The following FGF7 variants were observed in gnomAD, a reference collection of about 807,000 sequenced individuals.
FGF7 encodes FGF-7.
FGF7 carries 6 observed loss-of-function variants against 20.5 expected under a neutral mutation model. The observed-to-expected ratio is 0.29, with a 90% CI of 0.16 to 0.58. The LOEUF is 0.58. Ranked by LOEUF, FGF7 falls within the 20% of genes least tolerant of loss-of-function variation. FGF7 has a pLI of 0.90. For synonymous variants in FGF7, 64 were observed against 74.7 expected, an observed-to-expected ratio of 0.86 and a Z score of 0.74; for missense variants, 144 against 228.8, an observed-to-expected ratio of 0.63 and a Z score of 2.39.
chr15:49,475,191 T>C (rs2151981535), intron 2 of FGF7, among the ~76,000 whole-genome samples: 1 of 151,786 alleles, frequency 6.6e-6, no homozygotes, highest in South Asian at 2.1e-4. Context: ...GAACAAGGAG[T>C]GTGAAGTGAG....
intron 2 of FGF7, among the ~76,000 whole-genome samples, chr15:49,477,390 G>C (rs2055442765): frequency 2.0e-5 from 3 of 152,096 alleles, no homozygotes; most frequent in Admixed American, 2.0e-4. Context: ...TGTCTCTAAA[G>C]TTTTGCCTTT....
At chr15:49,456,037 G>A (rs1247733184) in intron 2 of FGF7, among the ~76,000 whole-genome samples, 2 of 152,104 alleles carry the variant, frequency 1.3e-5, no homozygotes, top group African/African-American at 2.4e-5. Flanking sequence ...ATGCTTTAAT[G>A]TGACCGCATA....
chr15:49,469,435 A>G (rs2151958274), intron 2 of FGF7, among the ~76,000 whole-genome samples: 1 of 152,266 alleles, frequency 6.6e-6, no homozygotes, highest in East Asian at 1.9e-4. Flanking sequence ...TATAAGCACT[A>G]TCTTTACTTC....
chr15:49,429,384 C>T (rs2050397378), intron 2 of FGF7, among the ~76,000 whole-genome samples: 1 of 151,918 alleles, frequency 6.6e-6, no homozygotes, highest in Non-Finnish European at 1.5e-5. Context: ...TTCTTTTTGG[C>T]TATCACATGT....
Position 49,456,527 on chromosome 15 carries a change from A to G in FGF7, c.287-26624A>G, listed in dbSNP as rs1044682617. Among the ~76,000 whole-genome samples the G allele has an allele frequency of 2.4e-4, 37 of 152,248 alleles. 1 individual carries two copies. The Middle Eastern group carries it at 0.017, about 70-fold the overall frequency. On this transcript the variant is annotated intron_variant, in intron 2 of 3. Coordinates refer to ENST00000267843, the MANE Select transcript of FGF7 (RefSeq NM_002009.4). ...TTCAGCATTTCTACTATATGCAAGC[A>G]TTCAACTGGATATATATAAAAATAA... is the stretch of plus-strand genomic sequence containing the variant.
At chr15:49,465,345 C>T (rs555709096) in intron 2 of FGF7, among the ~76,000 whole-genome samples, 1 of 150,320 alleles carries the variant, frequency 6.7e-6, no homozygotes, top group Admixed American at 6.7e-5. Context: ...ACCATGTTGG[C>T]CAGGCTGCTC....
intron 2 of FGF7, among the ~76,000 whole-genome samples, chr15:49,441,833 G>A (rs956515819): frequency 1.3e-5 from 2 of 151,264 alleles, no homozygotes; most frequent in Non-Finnish European, 3.0e-5. Flanking sequence ...TCAGTCACAT[G>A]ACTAATTGCA....
chr15:49,475,152 T>C (rs2151981400), intron 2 of FGF7, among the ~76,000 whole-genome samples: 1 of 152,292 alleles, frequency 6.6e-6, no homozygotes, highest in South Asian at 2.1e-4. Flanking sequence ...CGGTAGTGTA[T>C]GATTAGTGAA....
At chr15:49,444,608 A>G (rs1265795861) in intron 2 of FGF7, among the ~76,000 whole-genome samples, 3 of 151,670 alleles carry the variant, frequency 2.0e-5, no homozygotes, top group African/African-American at 7.3e-5. Context: ...CTTGGTATCT[A>G]ATGAAGCCTA....
At position 49,424,542 on chromosome 15, in the gene FGF7, G is replaced by C; in HGVS notation, c.245G>C (p.Arg82Thr). 1 of 1,606,172 alleles carries C rather than the reference G, an allele frequency of 6.2e-7. No individual in the cohort carries two copies. The highest frequency in any genetic ancestry group is 8.5e-7 in the Non-Finnish European group (1 of 1,174,928). Residue 82 changes from arginine to threonine, a missense_variant, in exon 2 of 4, where the codon AGA (arginine) becomes ACA (threonine). Transcript: ENST00000267843. Reference sequence around the variant, plus strand: ...CAGTGGTACCTGAGGATCGATAAAAGAGGCAAAGTAAAAGGGACCCAAGAG... The same window carrying C: ...CAGTGGTACCTGAGGATCGATAAAACAGGCAAAGTAAAAGGGACCCAAGAG... ...RTQWYLRIDK[R>T]GKVKGTQEMK... is the part of the protein sequence containing the mutation.
chr15:49,474,718 A>G (rs1025258793), intron 2 of FGF7, among the ~76,000 whole-genome samples: 2 of 152,158 alleles, frequency 1.3e-5, no homozygotes, highest in African/African-American at 4.8e-5. Flanking sequence ...GCTGCGGGTG[A>G]GCAAGCATTC....
intron 2 of FGF7, 115 bp downstream of exon 2, chr15:49,424,698 GT>G: frequency 1.2e-6 from 1 of 814,146 alleles, no homozygotes; most frequent in Non-Finnish European, 1.9e-6. Context: ...TAAATAAAAT[GT>G]CACCTAATTT....
chr15:49,475,328 G>A (rs2055166321), intron 2 of FGF7, among the ~76,000 whole-genome samples: 2 of 152,170 alleles, frequency 1.3e-5, no homozygotes, highest in South Asian at 4.1e-4. Flanking sequence ...AAGTTAAATT[G>A]AAGAAAAATG....
chr15:49,448,968 A>T (rs1183531232), intron 2 of FGF7, among the ~76,000 whole-genome samples: 4 of 151,912 alleles, frequency 2.6e-5, no homozygotes, highest in South Asian at 4.1e-4. Context: ...TTTTTTTTGC[A>T]TATGAATAAT....
intron 2 of FGF7, among the ~76,000 whole-genome samples, chr15:49,461,882 G>A (rs977249753): frequency 1.6e-4 from 24 of 152,162 alleles, no homozygotes; most frequent in African/African-American, 5.3e-4. Flanking sequence ...ATAGCTTTAA[G>A]ACTGATTATT....
chr15:49,439,221 G>T (rs745691057), intron 2 of FGF7, among the ~76,000 whole-genome samples: 1 of 151,428 alleles, frequency 6.6e-6, no homozygotes, highest in Non-Finnish European at 1.5e-5. Context: ...CAGGCTTCCT[G>T]AGTGTCCTTA....
chr15:49,438,686 T>TA (rs1326440302), intron 2 of FGF7, among the ~76,000 whole-genome samples: 1 of 151,750 alleles, frequency 6.6e-6, no homozygotes, highest in East Asian at 1.9e-4. Flanking sequence ...TTCCAATAAT[T>TA]AACTGAATGA....
intron 2 of FGF7, among the ~76,000 whole-genome samples, chr15:49,482,941 A>C (rs1330328476): frequency 6.6e-6 from 1 of 152,072 alleles, no homozygotes; most frequent in African/African-American, 2.4e-5. Flanking sequence ...CTACAAAATA[A>C]AAAACCATCG....
intron 2 of FGF7, among the ~76,000 whole-genome samples, chr15:49,446,589 T>TTTCATAGAGCTTTC (rs1160609178): frequency 6.6e-6 from 1 of 150,852 alleles, no homozygotes; most frequent in Non-Finnish European, 1.5e-5. Flanking sequence ...TCATAGAGGG[T>TTTCATAGAGCTTTC]AAAGAGCTTT....
Sources: allele counts gnomAD v4.1 joint callset (sites outside exome capture counted in the v4.1 genomes callset), GRCh38; gene constraint gnomAD v4.1.1; transcripts MANE v1.5; gene names NCBI Gene and HGNC (gene_info 2026-07-23, HGNC 2026-07-21).